N4BP2: variants seen among roughly 807,000 people sequenced by gnomAD.
N4BP2 encodes NEDD4-binding protein 2.
N4BP2 carries 91 observed loss-of-function variants against 152.8 expected under a neutral mutation model. The ratio of observed to expected loss-of-function variants is 0.60; its 90% CI spans 0.50 to 0.71. The LOEUF (loss-of-function observed/expected upper bound fraction) is 0.71. N4BP2 is among the 30% of genes least tolerant of loss of function. N4BP2 has a pLI of 0.00. For synonymous variants in N4BP2, 646 were observed against 705.3 expected (o/e 0.92, Z 1.33); for missense variants, 1,923 against 2,059.1 (o/e 0.93, Z 1.28).
chr4:40,184,280 AG>A, the N4BP2 span, among the ~76,000 whole-genome samples: 1 of 152,188 alleles, frequency 6.6e-6, no homozygotes, highest in Non-Finnish European at 1.5e-5. Flanking sequence ...TGCACGGGCT[AG>A]AATGGAGAAA....
chr4:40,100,428 G>GCGCAGTGGTT (rs60325663), intron 3 of N4BP2, among the ~76,000 whole-genome samples: 3,091 of 151,216 alleles, frequency 0.02, 115 homozygotes, highest in African/African-American at 0.07. Context: ...CCAGGCTGGA[G>GCGCAGTGGTT]CGCAGTAATC....
chr4:40,175,923 T>C, the N4BP2 span, among the ~76,000 whole-genome samples: 1 of 150,660 alleles, frequency 6.6e-6, no homozygotes, highest in Non-Finnish European at 1.5e-5. Context: ...ACCCCGTCTC[T>C]ACTAAGAATA....
In N4BP2 at chr4:40,155,891, A is replaced by T. The variant is rs1012805131; in HGVS notation, c.*1654A>T. 1.3e-5 allele frequency: 2 copies of T among 152,186 alleles called. No individual in the cohort carries two copies. Among genetic ancestry groups the T allele is most frequent in the African/African-American group, 4.8e-5 (2 of 41,446 alleles). 9.4% of individuals were successfully genotyped at this position (152,186 alleles called of 1,614,324 possible). A position where few individuals can be genotyped will look rare whatever the true frequency, so the allele number is the denominator to read the frequency against. ...GCTTATCATTGAATTTTAGTTCCAT[A>T]AAAATGAAAATACATGTTTATTATT... On this transcript the variant is annotated 3_prime_UTR_variant, in exon 18 of 18. Transcript: ENST00000261435.
At chr4:40,187,178 A>G in the N4BP2 span, among the ~76,000 whole-genome samples, 4 of 152,168 alleles carry the variant, frequency 2.6e-5, no homozygotes, top group East Asian at 3.9e-4. Context: ...TGATTTGCCA[A>G]TAGGTCAACT....
rs768284565 is a variant in N4BP2, at chr4:40,122,297, G to A, written c.4186G>A (p.Gly1396Ser). The A allele has an allele frequency of 6.4e-7, 1 of 1,569,440 alleles. No individual in the cohort carries two copies. Among genetic ancestry groups the A allele is most frequent in the South Asian group, 1.2e-5 (1 of 85,756 alleles). The change falls in exon 9 of 18, where the codon GGT (glycine) becomes AGT (serine). Residue 1396 changes from glycine (G) to serine (S), a missense_variant. Transcript: ENST00000261435. ...ACTTAATGAATTATTTGGTCCTGTT[G>A]GTATTGATTCAGGTAAGGAAAAAGT... ...FQLNELFGPVGIDSGSLTVED... is the reference protein window; with the variant it reads ...FQLNELFGPVSIDSGSLTVED...
the N4BP2 span, among the ~76,000 whole-genome samples, chr4:40,163,686 T>A: frequency 6.6e-6 from 1 of 152,078 alleles, no homozygotes; most frequent in Non-Finnish European, 1.5e-5. Context: ...GGATGGTGAG[T>A]GTAGAGAAGA....
chr4:40,139,288 G>A (rs1234226272), intron 14 of N4BP2, among the ~76,000 whole-genome samples: 3 of 152,000 alleles, frequency 2.0e-5, no homozygotes, highest in African/African-American at 7.3e-5. Flanking sequence ...AAAGAGAAAA[G>A]GGTCTTGCTA....
At chr4:40,117,845 C>T in intron 7 of N4BP2, 24 bp from the exon 8 acceptor site, 3 of 1,573,974 alleles carry the variant, frequency 1.9e-6, no homozygotes, top group Admixed American at 1.9e-5. Context: ...TTCCTTCAAC[C>T]CTTTTTTCCC....
the N4BP2 span, among the ~76,000 whole-genome samples, chr4:40,181,024 C>T: frequency 6.6e-6 from 1 of 152,260 alleles, no homozygotes; most frequent in East Asian, 1.9e-4. Flanking sequence ...GTGGCATGTG[C>T]CTGTAGTCCC....
chr4:40,127,559 T>G (rs1718523312), intron 12 of N4BP2, among the ~76,000 whole-genome samples: 1 of 152,106 alleles, frequency 6.6e-6, no homozygotes, highest in Non-Finnish European at 1.5e-5. Flanking sequence ...TATTTTTTTA[T>G]TTCTATAAAA....
intron 16 of N4BP2, among the ~76,000 whole-genome samples, chr4:40,148,160 C>G (rs1326657851): frequency 6.6e-6 from 1 of 152,226 alleles, no homozygotes; most frequent in Non-Finnish European, 1.5e-5. Flanking sequence ...GCCTGGGCAC[C>G]AATGAGCACT....
chr4:40,142,088 G>A (rs1161356802), intron 14 of N4BP2: 1 of 160,848 alleles, frequency 6.2e-6, no homozygotes, highest in African/African-American at 2.4e-5. Flanking sequence ...GAAAGAGAGG[G>A]AGAGGGAGAC....
chr4:40,136,374 CTATCT>C lies in N4BP2; in HGVS notation c.4647-569_4647-565del, dbSNP rs1394768159. 2.8e-4 allele frequency among the ~76,000 whole-genome samples: 38 copies of C among 137,910 alleles called. No homozygotes were observed. The East Asian group carries it at 3.8e-3, about 14-fold the overall frequency. The allele number at this position is 137,910 out of a possible 152,430, so 90.5% of individuals were successfully genotyped here. A position where few individuals can be genotyped will look rare whatever the true frequency, so the allele number is the denominator to read the frequency against. On this transcript the variant is annotated intron_variant, in intron 13 of 17. Coordinates refer to ENST00000261435, the MANE Select transcript of N4BP2 (RefSeq NM_018177.6). ...TCTATCTATCTATCTATCTATCTAT[CTATCT>C]ATCTATCTATCTATCTTTTTTTTGA...
At chr4:40,113,270 A>G (rs182293405) in intron 6 of N4BP2, among the ~76,000 whole-genome samples, 162 bp from the exon 7 acceptor site, 254 of 152,334 alleles carry the variant, frequency 1.7e-3, no homozygotes, top group African/African-American at 5.9e-3. Context: ...CTAAATTTCT[A>G]ATAGTTAATT....
chr4:40,104,767 A>C (rs1158155068), intron 4 of N4BP2, among the ~76,000 whole-genome samples: 1 of 151,998 alleles, frequency 6.6e-6, no homozygotes, highest in Non-Finnish European at 1.5e-5. Flanking sequence ...GAAGAGAGAG[A>C]AATAACAGGA....
At chr4:40,116,846 T>C (rs144476955) in intron 7 of N4BP2, among the ~76,000 whole-genome samples, 124 of 152,330 alleles carry the variant, frequency 8.1e-4, no homozygotes, top group African/African-American at 2.9e-3. Context: ...TGGATATGTA[T>C]ATTCTATACT....
downstream of N4BP2, among the ~76,000 whole-genome samples, chr4:40,161,964 T>C (rs1244935688): frequency 6.6e-6 from 1 of 152,148 alleles, no homozygotes; most frequent in African/African-American, 2.4e-5. Context: ...AGCTGTCTCT[T>C]AACCATTCTC....
At chr4:40,084,602 A>C (rs1214739861) in intron 2 of N4BP2, among the ~76,000 whole-genome samples, 4 of 147,052 alleles carry the variant, frequency 2.7e-5, no homozygotes, top group African/African-American at 1.0e-4. Context: ...CGCCCAGCCA[A>C]ATTTTGTGTG....
chr4:40,142,639 CTGTG>C (rs1560639121), intron 14 of N4BP2, 30 bp from the exon 15 acceptor site: 22 of 1,469,176 alleles, frequency 1.5e-5, no homozygotes, highest in Non-Finnish European at 1.9e-5. Context: ...TTTTAACTTT[CTGTG>C]TGTGTTACTT....
Sources: gnomAD v4.1 joint callset for allele counts (sites outside exome capture counted in the v4.1 genomes callset) on GRCh38, gnomAD v4.1.1 for gene constraint, MANE v1.5 for transcripts, NCBI Gene and HGNC (gene_info 2026-07-23, HGNC 2026-07-21) for gene names.